Variants in DNAH6 observed in about 807,000 individuals in gnomAD.
The protein encoded by DNAH6 is dynein axonemal heavy chain 6, also known as axonemal beta dynein heavy chain 6.
In DNAH6, 340 loss-of-function variants were observed where a neutral mutation model predicts 491.4. The ratio of observed to expected loss-of-function variants is 0.69; its 90% CI spans 0.63 to 0.76. DNAH6 has a LOEUF of 0.76. DNAH6 is among the 30% of genes least tolerant of loss of function. The probability of loss-of-function intolerance (pLI) is 0.00; values close to 1 mark genes in which losing one functional copy is unlikely to be tolerated. For synonymous variants in DNAH6, 1,603 were observed against 1,686.1 expected (o/e 0.95, Z 1.21); for missense variants, 4,443 against 4,972.2 (o/e 0.89, Z 3.20).
At chr2:84,618,758 A>G (rs1687120248) in intron 23 of DNAH6, among the ~76,000 whole-genome samples, 1 of 152,206 alleles carries the variant, frequency 6.6e-6, no homozygotes, top group African/African-American at 2.4e-5. Flanking sequence ...TACAAGAACT[A>G]TATTACATGA....
chr2:84,528,790 G>A, intron 3 of DNAH6, 114 bp from the exon 4 acceptor site: 1 of 1,053,094 alleles, frequency 9.5e-7, no homozygotes, highest in South Asian at 1.7e-5. Context: ...TTGCCTTTGA[G>A]CCCTAGACAT....
intron 15 of DNAH6, among the ~76,000 whole-genome samples, chr2:84,586,288 AACTGGCTCCATGGAGTGTGCC>A (rs1439068915): frequency 6.6e-6 from 1 of 152,172 alleles, no homozygotes; most frequent in Non-Finnish European, 1.5e-5. Flanking sequence ...ACTTGTCCCT[AACTGGCTCCATGGAGTGTGCC>A]ACTGGCTCCA....
At chr2:84,740,080 G>T (rs1266889413) in intron 62 of DNAH6, among the ~76,000 whole-genome samples, 1 of 151,564 alleles carries the variant, frequency 6.6e-6, no homozygotes, top group Non-Finnish European at 1.5e-5. Context: ...TTCCCTTGGG[G>T]GTATGACTGT....
chr2:84,693,407 T>C (rs1032787412), intron 45 of DNAH6, among the ~76,000 whole-genome samples: 5 of 152,096 alleles, frequency 3.3e-5, no homozygotes, highest in Non-Finnish European at 7.4e-5. Flanking sequence ...TTTCCCTCCT[T>C]TTTGAGTGCT....
chr2:84,798,898 G>C (rs1265035863), intron 70 of DNAH6, among the ~76,000 whole-genome samples: 1 of 152,140 alleles, frequency 6.6e-6, no homozygotes, highest in African/African-American at 2.4e-5. Context: ...TGATATCTGT[G>C]GCCTGAGCTC....
rs186035643 is a variant in DNAH6 at position 84,578,833 on chromosome 2, G to T, written c.2077-694G>T. Among the ~76,000 whole-genome samples the T allele has an allele frequency of 6.4e-3, 976 of 152,278 alleles. 6 individuals carry two copies. Among genetic ancestry groups the T allele is most frequent in the Admixed American group, 0.01 (155 of 15,298 alleles). On this transcript the variant is annotated intron_variant, in intron 13 of 76. Transcript: ENST00000389394. ...AGAAAGTGATTGGATTATGGGGGTG[G>T]TTTCCCCTATGCTGTTCTCCTGACA...
At chr2:84,694,038 C>A (rs1042241697) in intron 45 of DNAH6, among the ~76,000 whole-genome samples, 1 of 152,226 alleles carries the variant, frequency 6.6e-6, no homozygotes, top group African/African-American at 2.4e-5. Context: ...ACCCAACAGC[C>A]TGTTAGGAAT....
intron 2 of DNAH6, among the ~76,000 whole-genome samples, chr2:84,523,173 C>T (rs1035875830): frequency 7.9e-5 from 12 of 152,094 alleles, no homozygotes; most frequent in African/African-American, 2.6e-4. Context: ...CTTCCTGGTT[C>T]AATCTTGGGA....
At chr2:84,476,993 C>G in the DNAH6 span, among the ~76,000 whole-genome samples, 1 of 152,208 alleles carries the variant, frequency 6.6e-6, no homozygotes, top group Non-Finnish European at 1.5e-5. Context: ...TCTAGCGTTC[C>G]TTCACTGGGG....
At chr2:84,635,669 A>T (rs1013789202) in intron 30 of DNAH6, among the ~76,000 whole-genome samples, 11 of 152,166 alleles carry the variant, frequency 7.2e-5, no homozygotes, top group African/African-American at 2.7e-4. Flanking sequence ...GACAGAGGAG[A>T]CAGGAGAGCA....
At chr2:84,745,339 T>A (rs1013977669) in intron 63 of DNAH6, 90 bp downstream of exon 63, 7 of 1,038,288 alleles carry the variant, frequency 6.7e-6, no homozygotes, top group Non-Finnish European at 9.1e-6. Flanking sequence ...TATTTGAGAG[T>A]AACAATGGCC....
In DNAH6 at chr2:84,517,853, A is replaced by C. The variant is rs1394624236; in HGVS notation, c.27A>C (p.Glu9Asp). The C allele has an allele frequency of 5.2e-6, 8 of 1,551,658 alleles. No individual in the cohort carries two copies. The South Asian group carries it at 8.3e-5, about 16-fold the overall frequency. Residue 9 changes from glutamate to aspartate, a missense_variant, in exon 2 of 77, where the codon GAA becomes GAC. Glu to Asp is a conservative substitution (Grantham distance 45, BLOSUM62 2). Coordinates refer to ENST00000389394, the MANE Select transcript of DNAH6 (RefSeq NM_001370.2). Reference sequence around the variant, plus strand: ...TGACTTTTCGGGCCACAGATAGTGAATTTGACCTGACAAATATTGAAGAGT... The same window carrying C: ...TGACTTTTCGGGCCACAGATAGTGACTTTGACCTGACAAATATTGAAGAGT... MTFRATDS[E>D]FDLTNIEEYA...
At chr2:84,585,927 G>T (rs937304025) in intron 15 of DNAH6, among the ~76,000 whole-genome samples, 10 of 152,188 alleles carry the variant, frequency 6.6e-5, no homozygotes, top group Non-Finnish European at 1.3e-4. Flanking sequence ...TGGCAGCCCA[G>T]CCCCCAGCCT....
chr2:84,644,860 G>C (rs1274249312), intron 33 of DNAH6, among the ~76,000 whole-genome samples: 1 of 152,042 alleles, frequency 6.6e-6, no homozygotes, highest in Non-Finnish European at 1.5e-5. Flanking sequence ...TTTTAGGTTG[G>C]TTACACGTCT....
At chr2:84,681,302 T>C in intron 41 of DNAH6, 55 bp from the exon 42 acceptor site, 1 of 1,377,032 alleles carries the variant, frequency 7.3e-7, no homozygotes, top group Non-Finnish European at 9.7e-7. Flanking sequence ...ATTTAAAAGA[T>C]AGATATTTGG....
intron 42 of DNAH6, among the ~76,000 whole-genome samples, chr2:84,684,233 G>C (rs144721230): frequency 6.6e-6 from 1 of 152,154 alleles, no homozygotes; most frequent in South Asian, 2.1e-4. Context: ...ATATGACTTC[G>C]TTTCTTTCAT....
intron 30 of DNAH6, among the ~76,000 whole-genome samples, chr2:84,635,856 G>A (rs747133789): frequency 2.6e-5 from 4 of 152,116 alleles, no homozygotes; most frequent in Non-Finnish European, 5.9e-5. Flanking sequence ...CTCTCCTCCA[G>A]GCTGTGGCAC....
intron 73 of DNAH6, among the ~76,000 whole-genome samples, chr2:84,812,743 G>A (rs779694336): frequency 2.0e-5 from 3 of 152,098 alleles, no homozygotes; most frequent in Non-Finnish European, 2.9e-5. Context: ...TTAATTCCAG[G>A]CATCCTTGGG....
chr2:84,688,948 A>G (rs763585875), intron 45 of DNAH6, among the ~76,000 whole-genome samples: 4 of 152,230 alleles, frequency 2.6e-5, no homozygotes, highest in Admixed American at 2.6e-4. Flanking sequence ...TCAAAATTAT[A>G]GCAAAACAAG....
Sources: gnomAD v4.1 joint callset for allele counts (sites outside exome capture counted in the v4.1 genomes callset) on GRCh38, gnomAD v4.1.1 for gene constraint, MANE v1.5 for transcripts, NCBI Gene and HGNC (gene_info 2026-07-23, HGNC 2026-07-21) for gene names.